The following CDK8 variants were observed in gnomAD, a reference collection of about 807,000 sequenced individuals.
CDK8 encodes the protein cyclin-dependent kinase 8.
A neutral mutation model predicts 71.5 loss-of-function variants in CDK8; 29 were observed. The observed-to-expected ratio is 0.41, with a 90% CI of 0.30 to 0.55. The LOEUF is 0.55. Ranked by LOEUF, CDK8 falls within the 20% of genes least tolerant of loss-of-function variation. The pLI, the probability that CDK8 is intolerant of heterozygous loss-of-function variation, is 0.37. For synonymous variants in CDK8, 161 were observed against 192.1 expected, an observed-to-expected ratio of 0.84 and a Z score of 1.34; for missense variants, 288 against 572.6, an observed-to-expected ratio of 0.50 and a Z score of 5.07.
intron 3 of CDK8, among the ~76,000 whole-genome samples, chr13:26,351,662 T>C (rs1011848651): frequency 6.6e-6 from 1 of 152,186 alleles, no homozygotes; most frequent in African/African-American, 2.4e-5. Flanking sequence ...GTGGGTAATA[T>C]TGTACAGTGC....
rs138321502 is a variant in CDK8 at position 26,257,541 on chromosome 13, G to A, written c.128+2772G>A. Among the ~76,000 whole-genome samples the A allele has an allele frequency of 3.2e-4, 49 of 152,236 alleles. 1 individual carries two copies. Among genetic ancestry groups the A allele is most frequent in the African/African-American group, 1.1e-3 (47 of 41,530 alleles). ...TTAATTTGTTCTCACTCGTGTCGCC[G>A]TAAATGAGATAGTGTCCTTTGTGTC... On this transcript the variant is annotated intron_variant, in intron 1 of 12. Coordinates refer to ENST00000381527, the MANE Select transcript of CDK8 (RefSeq NM_001260.3).
At chr13:26,282,029 A>AT (rs1228933562) in intron 1 of CDK8, among the ~76,000 whole-genome samples, 3 of 151,924 alleles carry the variant, frequency 2.0e-5, no homozygotes, top group African/African-American at 4.8e-5. Context: ...AGCAAAAAGA[A>AT]TAAAAAAAAA....
At chr13:26,354,558 G>A (rs971420193) in intron 4 of CDK8, among the ~76,000 whole-genome samples, 2 of 152,176 alleles carry the variant, frequency 1.3e-5, no homozygotes, top group African/African-American at 4.8e-5. Flanking sequence ...TGAGCGGTGG[G>A]TGAGCATTAC....
Position 26,285,725 on chromosome 13 carries a change from T to A in CDK8, c.128+30956T>A, listed in dbSNP as rs185971708. Among the ~76,000 whole-genome samples, 171 of 152,280 alleles carry A rather than the reference T, an allele frequency of 1.1e-3. 1 individual carries two copies. The highest frequency in any genetic ancestry group is 5.6e-4 in the Non-Finnish European group (38 of 68,018). ...CTGTCACTGTTCACCAATGATATGA[T>A]CATATACCTAGAAAACCCTAAAGAC... On this transcript the variant is annotated intron_variant, in intron 1 of 12. Coordinates refer to ENST00000381527, the MANE Select transcript of CDK8 (RefSeq NM_001260.3).
At chr13:26,297,141 A>T (rs535561249) in intron 1 of CDK8, among the ~76,000 whole-genome samples, 46 of 152,322 alleles carry the variant, frequency 3.0e-4, no homozygotes, top group African/African-American at 1.0e-3. Flanking sequence ...TTGATTAGTT[A>T]CAAGGAACAA....
rs1876450625 is a variant in CDK8, at chr13:26,405,129, A to G, written c.*1048A>G. The G allele has an allele frequency of 5.6e-6, 1 of 179,280 alleles. No homozygotes were observed. The highest frequency in any genetic ancestry group is 1.2e-5 in the Non-Finnish European group (1 of 83,700). The allele number at this position is 179,280 out of a possible 1,614,324, so 11.1% of individuals were successfully genotyped here. On this transcript the variant is annotated 3_prime_UTR_variant, in exon 13 of 13. Coordinates refer to ENST00000381527, the MANE Select transcript of CDK8 (RefSeq NM_001260.3). ...AAAAAAAACCTATAACATACAATGT[A>G]CTGTATCAAACTATTTTACATGAAT... is the stretch of plus-strand genomic sequence containing the variant.
intron 1 of CDK8, among the ~76,000 whole-genome samples, chr13:26,294,333 T>C (rs1306168853): frequency 1.3e-5 from 2 of 152,142 alleles, no homozygotes; most frequent in African/African-American, 4.8e-5. Flanking sequence ...CATCTGTCGA[T>C]GATTCTTATG....
chr13:26,354,243 C>T (rs1873800499), intron 4 of CDK8, among the ~76,000 whole-genome samples: 1 of 152,108 alleles, frequency 6.6e-6, no homozygotes, highest in African/African-American at 2.4e-5. Flanking sequence ...GAGCCTACTG[C>T]ATACTAATTT....
At chr13:26,319,839 T>A (rs1386073845) in intron 1 of CDK8, among the ~76,000 whole-genome samples, 1 of 152,086 alleles carries the variant, frequency 6.6e-6, no homozygotes, top group Non-Finnish European at 1.5e-5. Flanking sequence ...GCTACAGTAA[T>A]CAAAATAATA....
chr13:26,365,769 T>G (rs7336578), intron 4 of CDK8, among the ~76,000 whole-genome samples: 137,137 of 152,014 alleles, frequency 0.9, 62,057 homozygotes, highest in East Asian at 1. Context: ...TCCAAAAACC[T>G]GGACAGATAG....
At position 26,254,488 on chromosome 13, in the gene CDK8, C is replaced by T. The variant is rs1440664945; in HGVS notation, c.-154C>T. 5 of 594,942 alleles carry T rather than the reference C, an allele frequency of 8.4e-6. No individual in the cohort carries two copies. In the East Asian group the frequency reaches 9.7e-5, roughly 12 times the overall value. 36.9% of individuals were successfully genotyped at this position (594,942 alleles called of 1,614,324 possible). A position where few individuals can be genotyped will look rare whatever the true frequency, so the allele number is the denominator to read the frequency against. On this transcript the variant is annotated 5_prime_UTR_variant, in exon 1 of 13. Coordinates refer to ENST00000381527, the MANE Select transcript of CDK8 (RefSeq NM_001260.3). The surrounding 1 kb of genome is among the most constrained non-coding windows in gnomAD (Gnocchi z 6.7). ...TGTCCCTGGCGCTTTCGCGGGGCCT[C>T]CTCCTGCTCTTGCCGCATCAGTCGG... is the stretch of plus-strand genomic sequence containing the variant.
intron 2 of CDK8, among the ~76,000 whole-genome samples, chr13:26,346,402 T>C (rs939264663): frequency 5.9e-5 from 9 of 152,226 alleles, no homozygotes; most frequent in African/African-American, 2.2e-4. Context: ...TTTCTAATAA[T>C]TGTGGAGCTC....
intron 4 of CDK8, among the ~76,000 whole-genome samples, chr13:26,371,431 G>A (rs1223776147): frequency 6.6e-6 from 1 of 152,108 alleles, no homozygotes; most frequent in Admixed American, 6.5e-5. Flanking sequence ...GAAAGTTGGA[G>A]AACTATCAGT....
chr13:26,375,174 C>A (rs892887885), intron 4 of CDK8, among the ~76,000 whole-genome samples: 12 of 152,062 alleles, frequency 7.9e-5, no homozygotes, highest in Admixed American at 3.9e-4. Context: ...GAGAAAAAAA[C>A]CAAAAAGATT....
At position 26,254,614 on chromosome 13, in the gene CDK8, C is replaced by T; in HGVS notation, c.-28C>T. ...ACCCCTGCCCCCCGGCCCCCCGACC[C>T]AGCTCTCCGGCCTCAGAGGCTGTGA... On this transcript the variant is annotated 5_prime_UTR_variant, in exon 1 of 13. Coordinates refer to ENST00000381527, the MANE Select transcript of CDK8 (RefSeq NM_001260.3). The surrounding 1 kb of genome is among the most constrained non-coding windows in gnomAD (Gnocchi z 6.7). The T allele has an allele frequency of 5.7e-6, 9 of 1,565,278 alleles. No homozygotes were observed. The highest frequency in any genetic ancestry group is 7.8e-6 in the Non-Finnish European group (9 of 1,154,700).
chr13:26,328,500 A>G (rs1161104954), intron 1 of CDK8, among the ~76,000 whole-genome samples: 1 of 152,176 alleles, frequency 6.6e-6, no homozygotes, highest in East Asian at 1.9e-4. Flanking sequence ...TAAACCCTAA[A>G]CCACATCTGT....
At chr13:26,397,016 C>T (rs1876026408) in intron 8 of CDK8, 137 bp from the exon 9 acceptor site, 1 of 606,894 alleles carries the variant, frequency 1.6e-6, no homozygotes, top group African/African-American at 1.9e-5. Flanking sequence ...TTTAATTCTA[C>T]TCATTTTATG....
intron 2 of CDK8, among the ~76,000 whole-genome samples, chr13:26,342,015 T>C (rs1336234527): frequency 6.6e-6 from 1 of 152,078 alleles, no homozygotes; most frequent in East Asian, 1.9e-4. Flanking sequence ...CCGCCTCCCG[T>C]GTTCAAGCGA....
intron 4 of CDK8, among the ~76,000 whole-genome samples, chr13:26,359,289 G>A (rs141581643): frequency 2.0e-5 from 3 of 152,250 alleles, no homozygotes; most frequent in Non-Finnish European, 2.9e-5. Flanking sequence ...ATGTACGGTG[G>A]TTGCACAGCA....
Sources: allele counts gnomAD v4.1 joint callset (sites outside exome capture counted in the v4.1 genomes callset), GRCh38; gene constraint gnomAD v4.1.1; non-coding constraint Gnocchi (gnomAD v3.1); transcripts MANE v1.5; gene names NCBI Gene and HGNC (gene_info 2026-07-23, HGNC 2026-07-21).